UBR3: variants seen among roughly 807,000 people sequenced by gnomAD.
UBR3 encodes the protein ubiquitin protein ligase E3 component n-recognin 3.
A neutral mutation model predicts 243.2 loss-of-function variants in UBR3; 85 were observed. The ratio of observed to expected loss-of-function variants is 0.35; its 90% CI spans 0.29 to 0.42. The LOEUF is 0.42. Among genes scored for constraint, UBR3 ranks in the 10% least tolerant of loss-of-function variants. The pLI, the probability that UBR3 is intolerant of heterozygous loss-of-function variation, is 1.00. For missense variants in UBR3, 1,686 were observed against 2,300.8 expected (o/e 0.73, Z 5.47); for synonymous variants, 748 against 799.8 (o/e 0.94, Z 1.09).
intron 24 of UBR3, among the ~76,000 whole-genome samples, chr2:169,977,937 C>T: frequency 6.6e-6 from 1 of 152,178 alleles, no homozygotes; most frequent in Non-Finnish European, 1.5e-5. Flanking sequence ...GTCTTCTGAA[C>T]TTCCTAGATT....
intron 1 of UBR3, among the ~76,000 whole-genome samples, chr2:169,828,426 C>T (rs2081817286): frequency 6.6e-6 from 1 of 152,044 alleles, no homozygotes; most frequent in South Asian, 2.1e-4. Context: ...AAGCCTGGTT[C>T]TTGGGAAGAG....
At chr2:169,848,568 T>C (rs1195283339) in intron 1 of UBR3, among the ~76,000 whole-genome samples, 1 of 152,058 alleles carries the variant, frequency 6.6e-6, no homozygotes, top group Admixed American at 6.6e-5. Flanking sequence ...CTTTCATATA[T>C]GTGCTCCCAG....
In UBR3 at chr2:169,871,475, A is replaced by G. The variant is rs1559042141; in HGVS notation, c.546-761A>G. The stretch of plus-strand genomic sequence containing the variant: ...TTAAGCATACCAATCATACTTAAAA[A>G]TGAATATAGGCCAGGCACAGTGGCT... On this transcript the variant is annotated intron_variant, in intron 1 of 38. Transcript: ENST00000272793. Among the ~76,000 whole-genome samples, 2 of 151,868 alleles carry G rather than the reference A, an allele frequency of 1.3e-5. 1 individual carries two copies. Among genetic ancestry groups the G allele is most frequent in the East Asian group, 3.9e-4 (2 of 5,170 alleles).
chr2:170,023,285 A>G (rs2090439716), intron 30 of UBR3, among the ~76,000 whole-genome samples: 2 of 151,954 alleles, frequency 1.3e-5, no homozygotes, highest in Admixed American at 1.3e-4. Flanking sequence ...GGTTTTTTCC[A>G]TTGACAGTGA....
intron 11 of UBR3, among the ~76,000 whole-genome samples, chr2:169,918,453 G>A (rs886875420): frequency 1.3e-5 from 2 of 150,952 alleles, no homozygotes; most frequent in Admixed American, 6.6e-5. Context: ...GATGTCAGAA[G>A]TTATTATGGT....
intron 23 of UBR3, among the ~76,000 whole-genome samples, chr2:169,953,541 GA>G (rs1397181353): frequency 6.6e-6 from 1 of 152,192 alleles, no homozygotes. Flanking sequence ...GAATCTGCCA[GA>G]ACTTGTATAT....
chr2:170,070,419 A>G (rs1438670553), intron 35 of UBR3, among the ~76,000 whole-genome samples: 1 of 152,174 alleles, frequency 6.6e-6, no homozygotes, highest in Non-Finnish European at 1.5e-5. Context: ...GACAGGAACA[A>G]GATTGGAACA....
At chr2:169,876,570 T>TGTGTTGTGTTGTGTTGTG (rs1553500937) in intron 3 of UBR3, among the ~76,000 whole-genome samples, 1 of 151,530 alleles carries the variant, frequency 6.6e-6, no homozygotes, top group African/African-American at 2.4e-5. Flanking sequence ...TGTATTGTAT[T>TGTGTTGTGTTGTGTTGTG]TTTTTGAGAC....
intron 18 of UBR3, among the ~76,000 whole-genome samples, chr2:169,932,544 G>A (rs575764570): frequency 5.9e-5 from 9 of 152,272 alleles, no homozygotes; most frequent in South Asian, 4.1e-4. Context: ...GACTAGAGGT[G>A]TAAGGCATCA....
chr2:170,061,413 C>G lies in UBR3; in HGVS notation c.4989C>G (p.His1663Gln). The change falls in exon 35 of 39, where the codon CAC becomes CAG. Residue 1663 changes from histidine (H) to glutamine (Q), a missense_variant. This residue lies in a region of UBR3 where 371 missense variants were observed against 422.5 expected (regional missense o/e 0.88). Coordinates refer to ENST00000272793, the MANE Select transcript of UBR3 (RefSeq NM_172070.4). ...FLRITSLLQH[H>Q]LFGEDLPSCQ... ...GAATCACCAGCCTTCTTCAGCACCA[C>G]CTTTTTGGGGAAGATTTACCTAGCT... is the stretch of plus-strand genomic sequence containing the variant. The G allele has an allele frequency of 6.2e-7, 1 of 1,614,002 alleles. No individual in the cohort carries two copies. The highest frequency in any genetic ancestry group is 1.7e-4 in the Middle Eastern group (1 of 6,058).
In UBR3 at chr2:170,006,992, T is replaced by A; in HGVS notation, c.4032T>A (p.Asn1344Lys). 1.2e-6 allele frequency: 2 copies of A among 1,613,416 alleles called. No homozygotes were observed. Among genetic ancestry groups the A allele is most frequent in the South Asian group, 2.2e-5 (2 of 91,024 alleles). The change falls in exon 28 of 39, where the codon AAT becomes AAA. Residue 1344 changes from asparagine (N) to lysine (K), a missense_variant and splice_region_variant. Physicochemically the swap from Asn to Lys is moderately conservative, Grantham distance 94 (BLOSUM62 0). Around this residue, in one of 8 missense-constraint regions of UBR3, gnomAD observed 156 missense variants for 246.3 expected, o/e 0.63. Coordinates refer to ENST00000272793, the MANE Select transcript of UBR3 (RefSeq NM_172070.4). ...TGTATGTTTATTTCGTCTTTTAGAATGACCAGGTTCTTCAGGGCTTCTCGG... is the reference window on the plus strand; with the variant it reads ...TGTATGTTTATTTCGTCTTTTAGAAAGACCAGGTTCTTCAGGGCTTCTCGG... ...CHKSYMESLR[N>K]DQVLQGFSVD...
intron 5 of UBR3, among the ~76,000 whole-genome samples, chr2:169,888,284 G>C (rs2084190421): frequency 6.6e-6 from 1 of 151,600 alleles, no homozygotes; most frequent in Non-Finnish European, 1.5e-5. Flanking sequence ...GATTATAGGT[G>C]CCTGCCACTA....
chr2:170,053,588 A>G (rs1227904694), intron 32 of UBR3, among the ~76,000 whole-genome samples: 1 of 152,202 alleles, frequency 6.6e-6, no homozygotes, highest in African/African-American at 2.4e-5. Context: ...CTCCTAGTGA[A>G]TCATCAAACC....
intron 24 of UBR3, among the ~76,000 whole-genome samples, chr2:169,970,404 A>G (rs1269678521): frequency 7.2e-6 from 1 of 138,342 alleles, no homozygotes; most frequent in Non-Finnish European, 1.6e-5. Context: ...ACATTGTGTC[A>G]TGCTGGTGCG....
At chr2:169,862,342 T>C (rs572042102) in intron 1 of UBR3, among the ~76,000 whole-genome samples, 1 of 152,206 alleles carries the variant, frequency 6.6e-6, no homozygotes, top group Non-Finnish European at 1.5e-5. Flanking sequence ...AGCTGTACTT[T>C]AGTCCTTCCT....
intron 24 of UBR3, among the ~76,000 whole-genome samples, chr2:169,977,379 C>T (rs372924837): frequency 3.9e-5 from 6 of 152,232 alleles, no homozygotes; most frequent in South Asian, 2.1e-4. Flanking sequence ...ATCCCATGAT[C>T]GGCCATCTGC....
intron 32 of UBR3, among the ~76,000 whole-genome samples, chr2:170,042,516 C>T (rs576871085): frequency 6.6e-6 from 1 of 151,800 alleles, no homozygotes; most frequent in South Asian, 2.1e-4. Context: ...TGGTGAAACC[C>T]CGTCTCTACT....
chr2:169,951,227 A>G (rs1425743398), intron 23 of UBR3, among the ~76,000 whole-genome samples: 2 of 152,208 alleles, frequency 1.3e-5, no homozygotes, highest in East Asian at 3.8e-4. Flanking sequence ...TGTTGTGAGC[A>G]GTATGACTAA....
At chr2:169,990,965 A>G (rs2089250203) in intron 25 of UBR3, among the ~76,000 whole-genome samples, 2 of 152,160 alleles carry the variant, frequency 1.3e-5, no homozygotes, top group Non-Finnish European at 2.9e-5. Context: ...ATGTGATGCT[A>G]CAAGAGATTC....
Sources: gnomAD v4.1 joint callset for allele counts (sites outside exome capture counted in the v4.1 genomes callset) on GRCh38, gnomAD v4.1.1 for gene constraint, gnomAD v4.1.1 regional missense constraint, MANE v1.5 for transcripts, NCBI Gene and HGNC (gene_info 2026-07-23, HGNC 2026-07-21) for gene names.